Variants in BNC2 observed in about 807,000 individuals in gnomAD.
BNC2 encodes the protein zinc finger protein basonuclin-2.
In BNC2, 20 loss-of-function variants were observed where a neutral mutation model predicts 76.3. The ratio of observed to expected loss-of-function variants is 0.26; its 90% CI spans 0.18 to 0.38. The LOEUF is 0.38. Ranked by LOEUF, BNC2 falls within the 10% of genes least tolerant of loss-of-function variation. BNC2 has a pLI of 1.00. For synonymous variants in BNC2, 582 were observed against 514.8 expected, an observed-to-expected ratio of 1.13 and a Z score of -1.77; for missense variants, 1,382 against 1,399.8, an observed-to-expected ratio of 0.99 and a Z score of 0.20.
At chr9:16,870,428 C>T (rs1819652306) in intron 1 of BNC2, among the ~76,000 whole-genome samples, 1 of 151,958 alleles carries the variant, frequency 6.6e-6, no homozygotes, top group Admixed American at 6.5e-5. Context: ...GCCTCAGAAA[C>T]TTGGGGCCAA....
intron 3 of BNC2, among the ~76,000 whole-genome samples, chr9:16,637,083 G>C (rs1821350939): frequency 1.3e-5 from 2 of 151,494 alleles, no homozygotes; most frequent in South Asian, 4.2e-4. Context: ...ATAGAAAGAG[G>C]CAATTTTTTT....
intron 4 of BNC2, among the ~76,000 whole-genome samples, chr9:16,576,357 T>C (rs1819484943): frequency 6.6e-6 from 1 of 152,178 alleles, no homozygotes; most frequent in Admixed American, 6.5e-5. Flanking sequence ...CACAGAAATG[T>C]CATGCTTTAT....
chr9:16,649,048 T>A (rs558756166), intron 3 of BNC2, among the ~76,000 whole-genome samples: 1 of 152,202 alleles, frequency 6.6e-6, no homozygotes, highest in South Asian at 2.1e-4. Context: ...ATCTTTGATA[T>A]GTAAGTGTGT....
chr9:16,711,054 G>A (rs1316203387), intron 3 of BNC2, among the ~76,000 whole-genome samples: 1 of 151,902 alleles, frequency 6.6e-6, no homozygotes, highest in Non-Finnish European at 1.5e-5. Context: ...AATGAGAGCA[G>A]ATGAATTAGT....
chr9:16,434,577 A>T (rs531612325), intron 6 of BNC2, among the ~76,000 whole-genome samples: 1 of 152,306 alleles, frequency 6.6e-6, no homozygotes, highest in African/African-American at 2.4e-5. Flanking sequence ...TATGTACGTG[A>T]TCTGCTCACA....
intron 5 of BNC2, among the ~76,000 whole-genome samples, chr9:16,502,678 G>A (rs888464137): frequency 1.3e-5 from 2 of 152,150 alleles, no homozygotes; most frequent in African/African-American, 4.8e-5. Context: ...ACAGAATCAT[G>A]TAGGAAAGCT....
At chr9:16,832,994 G>A (rs1008443160) in intron 1 of BNC2, among the ~76,000 whole-genome samples, 2 of 152,048 alleles carry the variant, frequency 1.3e-5, no homozygotes, top group Non-Finnish European at 2.9e-5. Context: ...AAAGTGCTGG[G>A]ATTACAGGTG....
At chr9:16,643,991 C>T (rs558547464) in intron 3 of BNC2, among the ~76,000 whole-genome samples, 14 of 152,242 alleles carry the variant, frequency 9.2e-5, no homozygotes, top group South Asian at 2.1e-4. Context: ...TACACCTATA[C>T]GCCTGTAATA....
At chr9:16,666,107 T>A (rs990399492) in intron 3 of BNC2, among the ~76,000 whole-genome samples, 2 of 152,248 alleles carry the variant, frequency 1.3e-5, no homozygotes, top group African/African-American at 4.8e-5. Flanking sequence ...TTATTTCTTG[T>A]ATAAAATTTG....
chr9:16,731,539 A>G (rs1040665761), intron 2 of BNC2, among the ~76,000 whole-genome samples: 12 of 152,152 alleles, frequency 7.9e-5, no homozygotes, highest in African/African-American at 2.7e-4. Context: ...ACTGAAGGGG[A>G]AAAAAAGGCA....
chr9:16,678,396 T>C (rs1013712362), intron 3 of BNC2, among the ~76,000 whole-genome samples: 5 of 141,814 alleles, frequency 3.5e-5, no homozygotes, highest in African/African-American at 1.3e-4. Context: ...AGCCTCCAAA[T>C]AGCTGGGATT....
intron 5 of BNC2, among the ~76,000 whole-genome samples, chr9:16,442,313 C>T (rs1454866562): frequency 6.6e-6 from 1 of 152,124 alleles, no homozygotes; most frequent in African/African-American, 2.4e-5. Context: ...ATATTTACAC[C>T]TACACATTTG....
chr9:16,673,869 T>G (rs1267660274), intron 3 of BNC2, among the ~76,000 whole-genome samples: 1 of 152,166 alleles, frequency 6.6e-6, no homozygotes, highest in East Asian at 1.9e-4. Flanking sequence ...CTGTTTTAGT[T>G]CCCCTACACT....
intron 6 of BNC2, among the ~76,000 whole-genome samples, chr9:16,433,254 A>C (rs1218196489): frequency 6.6e-6 from 1 of 152,246 alleles, no homozygotes; most frequent in East Asian, 1.9e-4. Flanking sequence ...TATTGTTAAA[A>C]AGCAAAATTT....
At chr9:16,727,110 A>C (rs1308693887) in intron 3 of BNC2, 1 of 152,540 alleles carries the variant, frequency 6.6e-6, no homozygotes, top group Admixed American at 6.5e-5. Flanking sequence ...CGCCCGAGTG[A>C]GTGCGCCGGC....
At chr9:16,582,652 A>G (rs1309951812) in intron 4 of BNC2, among the ~76,000 whole-genome samples, 1 of 152,182 alleles carries the variant, frequency 6.6e-6, no homozygotes, top group Non-Finnish European at 1.5e-5. Context: ...CCAGGCCCTG[A>G]AAGGCCAACT....
intron 1 of BNC2, among the ~76,000 whole-genome samples, chr9:16,846,503 A>G (rs189032469): frequency 1.2e-3 from 190 of 152,336 alleles, no homozygotes; most frequent in African/African-American, 4.4e-3. Context: ...AAATACCACA[A>G]TCTATCACCA....
At chr9:16,761,998 A>C (rs1170739210) in intron 1 of BNC2, among the ~76,000 whole-genome samples, 1 of 152,238 alleles carries the variant, frequency 6.6e-6, no homozygotes, top group Admixed American at 6.5e-5. Context: ...GAAAGTAGCA[A>C]AACTTTTTAG....
At chr9:16,698,741 A>T (rs1587328502) in intron 3 of BNC2, among the ~76,000 whole-genome samples, 1 of 152,188 alleles carries the variant, frequency 6.6e-6, no homozygotes, top group Non-Finnish European at 1.5e-5. Context: ...ACATGGAAAG[A>T]TACTTAGGAT....
Sources: allele counts gnomAD v4.1 joint callset (sites outside exome capture counted in the v4.1 genomes callset), GRCh38; gene constraint gnomAD v4.1.1; transcripts MANE v1.5; gene names NCBI Gene and HGNC (gene_info 2026-07-23, HGNC 2026-07-21).